The following NDST3 variants were observed in gnomAD, a reference collection of about 807,000 sequenced individuals.
NDST3 encodes bifunctional heparan sulfate N-deacetylase/N-sulfotransferase 3.
In NDST3, 58 loss-of-function variants were observed where a neutral mutation model predicts 96.1. That is an observed-to-expected ratio of 0.60 (90% CI 0.49 to 0.75). The LOEUF is 0.75. NDST3 is among the 30% of genes least tolerant of loss of function. NDST3 has a pLI of 0.00. For synonymous variants in NDST3, 333 were observed against 359.7 expected (o/e 0.93, Z 0.84); for missense variants, 788 against 1,034.2 (o/e 0.76, Z 3.27).
intron 6 of NDST3, chr4:118,193,989 C>T: frequency 9.2e-7 from 1 of 1,083,182 alleles, no homozygotes; most frequent in East Asian, 2.4e-5. Context: ...TCCAGCTTCT[C>T]TTCTGAATTC....
At chr4:118,158,640 C>T (rs1734870537) in intron 6 of NDST3, among the ~76,000 whole-genome samples, 1 of 152,094 alleles carries the variant, frequency 6.6e-6, no homozygotes, top group South Asian at 2.1e-4. Flanking sequence ...GGTTTAATTC[C>T]ATAGATTACT....
chr4:118,085,625 CATTGTTGGGTAACAACAATGAAT>C (rs768944889), intron 2 of NDST3, among the ~76,000 whole-genome samples: 168 of 152,270 alleles, frequency 1.1e-3, no homozygotes, highest in South Asian at 2.3e-3. Context: ...ACTCTCGTTT[CATTGTTGGGTAACAACAATGAAT>C]ATTGTTGGGT....
intron 8 of NDST3, among the ~76,000 whole-genome samples, chr4:118,229,134 C>T (rs1303365285): frequency 6.6e-6 from 1 of 151,862 alleles, no homozygotes; most frequent in Non-Finnish European, 1.5e-5. Context: ...AAACCCGTCA[C>T]TACTAAAAAT....
chr4:118,236,634 C>A (rs1389203615), intron 9 of NDST3, among the ~76,000 whole-genome samples: 1 of 152,132 alleles, frequency 6.6e-6, no homozygotes, highest in African/African-American at 2.4e-5. Context: ...AAAATATTTT[C>A]TCTAAATCCT....
chr4:118,136,585 A>T (rs1473823629), intron 4 of NDST3, among the ~76,000 whole-genome samples: 1 of 152,174 alleles, frequency 6.6e-6, no homozygotes, highest in African/African-American at 2.4e-5. Context: ...TCTGCAAATG[A>T]TGCAAATAAA....
At chr4:118,182,192 A>G (rs533198485) in intron 6 of NDST3, among the ~76,000 whole-genome samples, 13 of 152,306 alleles carry the variant, frequency 8.5e-5, no homozygotes, top group African/African-American at 3.1e-4. Context: ...AGCAGGCCCA[A>G]TAAAATGCAT....
At chr4:118,083,896 C>A (rs1728212004) in intron 2 of NDST3, among the ~76,000 whole-genome samples, 1 of 152,114 alleles carries the variant, frequency 6.6e-6, no homozygotes. Context: ...TTTTCCTCAA[C>A]AATCTTTCTA....
chr4:118,073,068 G>T (rs1727216733), intron 2 of NDST3, among the ~76,000 whole-genome samples: 1 of 152,090 alleles, frequency 6.6e-6, no homozygotes, highest in African/African-American at 2.4e-5. Flanking sequence ...ACATCCCAGG[G>T]ATAAAACCCA....
At chr4:118,218,405 T>C (rs1431273636) in intron 6 of NDST3, among the ~76,000 whole-genome samples, 1 of 152,034 alleles carries the variant, frequency 6.6e-6, no homozygotes, top group Non-Finnish European at 1.5e-5. Flanking sequence ...AATCAATAAA[T>C]GTAATCCATC....
At chr4:118,164,991 C>T (rs1450412121) in intron 6 of NDST3, among the ~76,000 whole-genome samples, 1 of 151,960 alleles carries the variant, frequency 6.6e-6, no homozygotes, top group African/African-American at 2.4e-5. Context: ...CAACAAAACA[C>T]AAAGGAAGAC....
At chr4:118,172,335 T>C (rs1212289513) in intron 6 of NDST3, among the ~76,000 whole-genome samples, 1 of 152,126 alleles carries the variant, frequency 6.6e-6, no homozygotes, top group African/African-American at 2.4e-5. Context: ...TCTAGGGATG[T>C]CTCCTAAGGA....
intron 6 of NDST3, among the ~76,000 whole-genome samples, chr4:118,184,438 G>A (rs942811217): frequency 6.6e-6 from 1 of 152,042 alleles, no homozygotes; most frequent in Non-Finnish European, 1.5e-5. Context: ...AATTCTCCCA[G>A]CAGATTGTGC....
intron 6 of NDST3, among the ~76,000 whole-genome samples, chr4:118,146,471 A>C (rs1733955399): frequency 6.6e-6 from 1 of 152,234 alleles, no homozygotes; most frequent in African/African-American, 2.4e-5. Flanking sequence ...TCAAGGTGCT[A>C]TACTAACTTA....
At chr4:118,070,266 A>G (rs1034035732) in intron 2 of NDST3, among the ~76,000 whole-genome samples, 1 of 152,112 alleles carries the variant, frequency 6.6e-6, no homozygotes, top group Admixed American at 6.6e-5. Context: ...GCACCAATTG[A>G]CTTGAGCAGA....
intron 12 of NDST3, among the ~76,000 whole-genome samples, chr4:118,247,570 A>AAAGG (rs1346682474): frequency 1.3e-5 from 2 of 151,674 alleles, no homozygotes; most frequent in Non-Finnish European, 2.9e-5. Flanking sequence ...AGAAAGAAAG[A>AAAGG]AAGAAAGAAA....
chr4:118,053,300 ACTGTGCCATCGACT>A (rs1725192123), intron 1 of NDST3, among the ~76,000 whole-genome samples: 1 of 152,034 alleles, frequency 6.6e-6, no homozygotes, highest in Non-Finnish European at 1.5e-5. Flanking sequence ...GATAAAATTG[ACTGTGCCATCGACT>A]TTGCAGAAAA....
At position 118,122,558 on chromosome 4, in the gene NDST3, T is replaced by G. The variant is rs190592414; in HGVS notation, c.1224+7598T>G. Among the ~76,000 whole-genome samples the G allele has an allele frequency of 4.6e-5, 7 of 152,248 alleles. No homozygotes were observed. The East Asian group carries it at 1.2e-3, about 25-fold the overall frequency. The stretch of plus-strand genomic sequence containing the variant: ...CCATCTCTACTTCACTTCCAAATTT[T>G]CAGCCCACACCTAGATTATTGCAGC... On this transcript the variant is annotated intron_variant, in intron 4 of 13. Transcript: ENST00000296499.
chr4:118,142,467 A>C (rs1733640449), intron 5 of NDST3, among the ~76,000 whole-genome samples: 1 of 152,018 alleles, frequency 6.6e-6, no homozygotes, highest in African/African-American at 2.4e-5. Flanking sequence ...AATAAAATAA[A>C]ATAAAATAAA....
intron 6 of NDST3, among the ~76,000 whole-genome samples, chr4:118,187,407 A>G (rs937741569): frequency 2.0e-5 from 3 of 152,246 alleles, no homozygotes; most frequent in Non-Finnish European, 4.4e-5. Flanking sequence ...ATATCCATCC[A>G]AAAGAGAGAA....
Sources: allele counts gnomAD v4.1 joint callset (sites outside exome capture counted in the v4.1 genomes callset), GRCh38; gene constraint gnomAD v4.1.1; transcripts MANE v1.5; gene names NCBI Gene and HGNC (gene_info 2026-07-23, HGNC 2026-07-21).